Variants in SYAP1 observed in about 807,000 individuals in gnomAD.
The protein encoded by SYAP1 is synapse associated protein 1, also known as synapse-associated protein 1.
SYAP1 carries 3 observed loss-of-function variants against 29.6 expected under a neutral mutation model. That is an observed-to-expected ratio of 0.10 (90% CI 0.05 to 0.26). SYAP1 has a LOEUF of 0.26. Among genes scored for constraint, SYAP1 ranks in the 10% least tolerant of loss-of-function variants. The probability of loss-of-function intolerance (pLI) is 1.00; values close to 1 mark genes in which losing one functional copy is unlikely to be tolerated. For synonymous variants in SYAP1, 102 were observed against 102.7 expected (o/e 0.99, Z 0.04); for missense variants, 217 against 264.1 (o/e 0.82, Z 1.24).
intron 8 of SYAP1, among the ~76,000 whole-genome samples, chrX:16,759,287 C>T (rs1926928268): frequency 9.1e-6 from 1 of 109,316 alleles, no homozygotes; most frequent in African/African-American, 3.3e-5. Flanking sequence ...ATCGCTTGAA[C>T]CCAGGAGGCA....
rs1253571897 is a variant in SYAP1, at chrX:16,741,741, C to T, written c.387C>T (p.Asp129=). The T allele has an allele frequency of 2.5e-6, 3 of 1,207,222 alleles. No homozygotes were observed. The highest frequency in any genetic ancestry group is 3.4e-6 in the Non-Finnish European group (3 of 893,416). Residue 129 remains aspartate, a synonymous_variant, in exon 4 of 9, where the codon GAC becomes GAT. Transcript: ENST00000380155. ...AAGCAGCTGTGCCCCCATGGGTTGA[C>T]ACTAACGATGAAGAAACAATTCAAC... ...KSEAAVPPWV[D]TNDEETIQQQ...
At chrX:16,722,614 T>C (rs1370128763) in intron 1 of SYAP1, among the ~76,000 whole-genome samples, 1 of 111,122 alleles carries the variant, frequency 9.0e-6, no homozygotes, top group Non-Finnish European at 1.9e-5. Context: ...GGACACTAAA[T>C]ACTTCCTGGT....
intron 8 of SYAP1, among the ~76,000 whole-genome samples, chrX:16,759,965 A>T (rs1926944495): frequency 8.9e-6 from 1 of 112,603 alleles, no homozygotes; most frequent in Non-Finnish European, 1.9e-5. Flanking sequence ...ATGCAGAGGC[A>T]TAGGGAAAGC....
In SYAP1 at chrX:16,719,641, G is replaced by T; in HGVS notation, c.-84G>T. 1 of 1,052,085 alleles carries T rather than the reference G, an allele frequency of 9.5e-7. No individual in the cohort carries two copies. Among genetic ancestry groups the T allele is most frequent in the Non-Finnish European group, 1.3e-6 (1 of 793,772 alleles). The allele number at this position is 1,052,085 out of a possible 1,213,427, so 86.7% of individuals were successfully genotyped here. A position where few individuals can be genotyped will look rare whatever the true frequency, so the allele number is the denominator to read the frequency against. ...CTCCGACTTCCGGACATCTCCCTGG[G>T]AGTCGCGCAGAGTGGAGTCAAAGGC... is the stretch of plus-strand genomic sequence containing the variant. On this transcript the variant is annotated 5_prime_UTR_variant, in exon 1 of 9. Transcript: ENST00000380155.
chrX:16,758,533 C>T (rs950284548), intron 8 of SYAP1, among the ~76,000 whole-genome samples: 3 of 110,127 alleles, frequency 2.7e-5, no homozygotes, highest in Non-Finnish European at 5.7e-5. Context: ...TGTTTTGTAT[C>T]GCTATGTTGG....
chrX:16,750,124 G>T (rs1448592144), intron 5 of SYAP1, among the ~76,000 whole-genome samples: 1 of 110,941 alleles, frequency 9.0e-6, no homozygotes, highest in African/African-American at 3.3e-5. Flanking sequence ...CCTTTGGTTT[G>T]TCAGTGTCAT....
chrX:16,723,926 G>C (rs760980868), intron 1 of SYAP1, among the ~76,000 whole-genome samples: 34 of 110,594 alleles, frequency 3.1e-4, no homozygotes, highest in African/African-American at 1.0e-3. Context: ...GCCTGTGTTT[G>C]AGTTCCCTAC....
intron 5 of SYAP1, among the ~76,000 whole-genome samples, chrX:16,746,241 C>CTT (rs761759271): frequency 1.2e-5 from 1 of 83,642 alleles, no homozygotes; most frequent in Non-Finnish European, 2.4e-5. Flanking sequence ...TTTTTTCTTT[C>CTT]TTTTTTTTTT....
intron 5 of SYAP1, among the ~76,000 whole-genome samples, chrX:16,745,703 C>T (rs759916446): frequency 9.4e-6 from 1 of 106,353 alleles, no homozygotes; most frequent in East Asian, 3.0e-4. Context: ...ACCATTTGCA[C>T]TCCAACCTGG....
chrX:16,719,775 C>T lies in SYAP1; in HGVS notation c.51C>T (p.Gly17=). ...TGGGCTTGCAGCAGCCGGTGGCAGG[C>T]GGTGGGCAGCCCAATGGAGATGCTC... ...SWLGLQQPVA[G]GGQPNGDAPP... The change falls in exon 1 of 9, where the codon GGC becomes GGT. Residue 17 remains glycine, a synonymous_variant. Coordinates refer to ENST00000380155, the MANE Select transcript of SYAP1 (RefSeq NM_032796.4). 1 of 1,203,999 alleles carries T rather than the reference C, an allele frequency of 8.3e-7. No individual in the cohort carries two copies.
At chrX:16,746,750 G>C (rs1926618893) in intron 5 of SYAP1, among the ~76,000 whole-genome samples, 1 of 109,702 alleles carries the variant, frequency 9.1e-6, no homozygotes, top group African/African-American at 3.3e-5. Context: ...ACCACGCCTG[G>C]CTATTTTTTG....
intron 7 of SYAP1, 88 bp from the exon 8 acceptor site, chrX:16,757,074 C>T (rs777599528): frequency 3.4e-4 from 349 of 1,041,591 alleles, no homozygotes; most frequent in Non-Finnish European, 4.2e-4. Flanking sequence ...AAAAATAGCA[C>T]GGCATTAAAT....
chrX:16,743,724 C>T lies in SYAP1; in HGVS notation c.459C>T (p.Asp153=). 1 of 1,210,216 alleles carries T rather than the reference C, an allele frequency of 8.3e-7. No homozygotes were observed. The highest frequency in any genetic ancestry group is 1.8e-5 in the South Asian group (1 of 56,946). ...LSADKRNFLR[D]PPAGVQFNFD... ...AGGACAAGAGGAATTTCCTTCGTGA[C>T]CCTCCGGCTGGCGTGCAATTTAATT... Residue 153 remains aspartate (D), a synonymous_variant, in exon 5 of 9, where the codon GAC becomes GAT. Coordinates refer to ENST00000380155, the MANE Select transcript of SYAP1 (RefSeq NM_032796.4).
rs187008673 is a variant in SYAP1 at position 16,733,326 on chromosome X, G to C, written c.176-1901G>C. ...TTTTTAAATGGGAAGCTGGTGAAAGGATCATTCAGATGGAGTGATAATATT... is the reference window on the plus strand; with the variant it reads ...TTTTTAAATGGGAAGCTGGTGAAAGCATCATTCAGATGGAGTGATAATATT... On this transcript the variant is annotated intron_variant, in intron 1 of 8. Transcript: ENST00000380155. Among the ~76,000 whole-genome samples the C allele has an allele frequency of 2.7e-3, 303 of 111,320 alleles. 3 individuals are homozygous for C. The highest frequency in any genetic ancestry group is 9.4e-3 in the African/African-American group (287 of 30,672).
intron 8 of SYAP1, 65 bp downstream of exon 8, chrX:16,757,374 G>C: frequency 9.1e-7 from 1 of 1,104,846 alleles, no homozygotes; most frequent in Non-Finnish European, 1.2e-6. Flanking sequence ...GCTAATTGTA[G>C]AAAATTGTTA....
chrX:16,746,177 CAAAA>C (rs11307737), intron 5 of SYAP1, among the ~76,000 whole-genome samples: 3 of 63,861 alleles, frequency 4.7e-5, no homozygotes, highest in African/African-American at 5.8e-5. Flanking sequence ...TGTTTTATGG[CAAAA>C]AAAAAAAAAA....
At chrX:16,723,604 A>T (rs770718859) in intron 1 of SYAP1, among the ~76,000 whole-genome samples, 15 of 111,808 alleles carry the variant, frequency 1.3e-4, no homozygotes, top group African/African-American at 4.5e-4. Flanking sequence ...TTCCCACACT[A>T]AGATGCTGAA....
At chrX:16,743,653 A>C (rs1245905339) in intron 4 of SYAP1, 48 bp from the exon 5 acceptor site, 12 of 1,164,273 alleles carry the variant, frequency 1.0e-5, no homozygotes, top group Non-Finnish European at 1.4e-5. Context: ...GTTATCTATT[A>C]ATCGCATTTT....
intron 3 of SYAP1, among the ~76,000 whole-genome samples, chrX:16,740,359 T>TA (rs1555982733): frequency 1.9e-5 from 2 of 104,917 alleles, no homozygotes; most frequent in Non-Finnish European, 3.8e-5. Flanking sequence ...TTTTTTTTTT[T>TA]AGCTCCTGAA....
Sources: allele counts gnomAD v4.1 joint callset (sites outside exome capture counted in the v4.1 genomes callset), GRCh38; gene constraint gnomAD v4.1.1; transcripts MANE v1.5; gene names NCBI Gene and HGNC (gene_info 2026-07-23, HGNC 2026-07-21).